The following ALK variants were observed in gnomAD, a reference collection of about 807,000 sequenced individuals.
The protein encoded by ALK is ALK tyrosine kinase receptor.
ALK carries 74 observed loss-of-function variants against 163.1 expected under a neutral mutation model. The ratio of observed to expected loss-of-function variants is 0.45; its 90% CI spans 0.38 to 0.55. The LOEUF is 0.55. ALK is among the 20% of genes least tolerant of loss of function. The pLI is 0.00. For synonymous variants in ALK, 960 were observed against 843.2 expected, an observed-to-expected ratio of 1.14 and a Z score of -2.40; for missense variants, 2,063 against 2,105.3, an observed-to-expected ratio of 0.98 and a Z score of 0.39.
At chr2:29,702,680 T>C (rs1024668210) in intron 2 of ALK, among the ~76,000 whole-genome samples, 9 of 152,240 alleles carry the variant, frequency 5.9e-5, no homozygotes, top group African/African-American at 2.2e-4. Context: ...AAGTTCCACA[T>C]GGCTGGGGAA....
At chr2:29,462,742 G>C (rs571636067) in intron 4 of ALK, among the ~76,000 whole-genome samples, 64 of 152,256 alleles carry the variant, frequency 4.2e-4, no homozygotes, top group African/African-American at 1.5e-3. Flanking sequence ...GAGAAGAAAT[G>C]CAAGAGTTAA....
intron 26 of ALK, among the ~76,000 whole-genome samples, chr2:29,200,752 C>CATATATAT: frequency 3.0e-5 from 2 of 67,316 alleles, no homozygotes; most frequent in Non-Finnish European, 3.0e-5. Flanking sequence ...TATATATATA[C>CATATATAT]GTATATATGT....
intron 2 of ALK, among the ~76,000 whole-genome samples, chr2:29,716,700 T>C (rs150662036): frequency 1.3e-5 from 2 of 152,266 alleles, no homozygotes; most frequent in South Asian, 2.1e-4. Context: ...AAAAATGTAA[T>C]TGGACCTGGT....
chr2:29,877,922 G>T (rs1558530086), intron 1 of ALK, among the ~76,000 whole-genome samples: 2 of 152,186 alleles, frequency 1.3e-5, no homozygotes, highest in Non-Finnish European at 2.9e-5. Context: ...CCAACCCTAG[G>T]ATTCTGGCTT....
chr2:29,454,121 G>A (rs1161779759), intron 4 of ALK, among the ~76,000 whole-genome samples: 1 of 152,138 alleles, frequency 6.6e-6, no homozygotes, highest in African/African-American at 2.4e-5. Context: ...CAGACTGCTA[G>A]AAATTGGAGC....
intron 1 of ALK, among the ~76,000 whole-genome samples, chr2:29,841,627 C>T (rs529869076): frequency 6.6e-6 from 1 of 152,292 alleles, no homozygotes; most frequent in South Asian, 2.1e-4. Flanking sequence ...GGGGGCTGCG[C>T]TCCGTGAGTC....
Position 29,227,614 on chromosome 2 carries a change from G to A in ALK, c.2874C>T (p.Phe958=), listed in dbSNP as rs1226555490. 6.2e-7 allele frequency: 1 copy of A among 1,614,020 alleles called. No homozygotes were observed. The highest frequency in any genetic ancestry group is 8.5e-7 in the Non-Finnish European group (1 of 1,180,046). ...TGTACAGGATGCCCAGTGGACTGAT[G>A]AAGGAAACCCCATCTTCCCCATCCA... ...PEMDGEDGVS[F]ISPLGILYTP... Residue 958 remains phenylalanine (F), a synonymous_variant, in exon 17 of 29, where the codon TTC becomes TTT. Transcript: ENST00000389048. This position sits in a 1 kb window ranked among gnomAD's most constrained non-coding sequence, Gnocchi z 4.4.
At chr2:29,851,333 T>C (rs1665985879) in intron 1 of ALK, among the ~76,000 whole-genome samples, 1 of 152,204 alleles carries the variant, frequency 6.6e-6, no homozygotes, top group East Asian at 1.9e-4. Flanking sequence ...CATTGCCTTC[T>C]ACACTTGCTC....
At chr2:29,867,992 G>A (rs550426061) in intron 1 of ALK, among the ~76,000 whole-genome samples, 14 of 152,302 alleles carry the variant, frequency 9.2e-5, no homozygotes, top group South Asian at 2.1e-4. Flanking sequence ...CTGCATAATC[G>A]GGTGGAGAGC....
At chr2:29,438,863 G>T (rs4133309) in intron 4 of ALK, among the ~76,000 whole-genome samples, 40,815 of 152,102 alleles carry the variant, frequency 0.27, 6,809 homozygotes, top group Non-Finnish European at 0.37. Flanking sequence ...CGCTCCTACT[G>T]ATTTGGGGAG....
chr2:29,757,935 C>T (rs1347291425), intron 1 of ALK, among the ~76,000 whole-genome samples: 6 of 151,830 alleles, frequency 4.0e-5, no homozygotes, highest in Non-Finnish European at 8.8e-5. Context: ...CTCACTCAGG[C>T]CTTCATTCTT....
intron 4 of ALK, among the ~76,000 whole-genome samples, chr2:29,514,490 A>G (rs1186025598): frequency 1.3e-5 from 2 of 152,290 alleles, no homozygotes; most frequent in East Asian, 3.9e-4. Context: ...CCAGGGCTTG[A>G]AGACTACTCC....
chr2:29,298,455 C>T (rs775290442), intron 8 of ALK, among the ~76,000 whole-genome samples: 5 of 152,276 alleles, frequency 3.3e-5, no homozygotes, highest in Non-Finnish European at 2.9e-5. Flanking sequence ...CTTGGGATCA[C>T]GATGCTTTCT....
chr2:29,611,764 C>T (rs1274052207), intron 3 of ALK, among the ~76,000 whole-genome samples: 1 of 152,142 alleles, frequency 6.6e-6, no homozygotes, highest in Non-Finnish European at 1.5e-5. Flanking sequence ...CTTCCCCCTT[C>T]GCTCTATCTC....
intron 1 of ALK, among the ~76,000 whole-genome samples, chr2:29,725,637 T>C (rs374298344): frequency 1.3e-5 from 2 of 152,234 alleles, no homozygotes; most frequent in African/African-American, 4.8e-5. Flanking sequence ...TTGATTTCTT[T>C]TCTTTTTTTT....
At chr2:29,211,773 AG>A (rs1669472297) in intron 24 of ALK, among the ~76,000 whole-genome samples, 1 of 82,008 alleles carries the variant, frequency 1.2e-5, no homozygotes, top group Admixed American at 1.1e-4. Context: ...TTGCCCCAGA[AG>A]GACAGTTTCT....
At chr2:29,836,019 C>G (rs1159811950) in intron 1 of ALK, among the ~76,000 whole-genome samples, 1 of 152,158 alleles carries the variant, frequency 6.6e-6, no homozygotes, top group East Asian at 1.9e-4. Flanking sequence ...CATTCCATAG[C>G]TCCCCTGTAG....
intron 8 of ALK, among the ~76,000 whole-genome samples, chr2:29,298,744 T>C (rs1181219712): frequency 1.3e-5 from 2 of 152,180 alleles, no homozygotes; most frequent in Admixed American, 6.5e-5. Flanking sequence ...CCCTTCTCTC[T>C]TTTTTGTGGG....
At chr2:29,543,970 C>A (rs1417140734) in intron 3 of ALK, among the ~76,000 whole-genome samples, 1 of 152,180 alleles carries the variant, frequency 6.6e-6, no homozygotes, top group East Asian at 1.9e-4. Flanking sequence ...CATAAATACA[C>A]ACATGCATGG....
Sources: allele counts gnomAD v4.1 joint callset (sites outside exome capture counted in the v4.1 genomes callset), GRCh38; gene constraint gnomAD v4.1.1; non-coding constraint Gnocchi (gnomAD v3.1); transcripts MANE v1.5; gene names NCBI Gene and HGNC (gene_info 2026-07-23, HGNC 2026-07-21).